ZBTB46: variants seen among roughly 807,000 people sequenced by gnomAD.
ZBTB46 encodes zinc finger and BTB domain-containing protein 46.
ZBTB46 carries 8 observed loss-of-function variants against 44.1 expected under a neutral mutation model. The observed-to-expected ratio is 0.18, with a 90% CI of 0.11 to 0.33. ZBTB46 has a LOEUF of 0.33. ZBTB46 is among the 10% of genes least tolerant of loss of function. The pLI, the probability that ZBTB46 is intolerant of heterozygous loss-of-function variation, is 1.00. For synonymous variants in ZBTB46, 409 were observed against 382.3 expected (o/e 1.07, Z -0.81); for missense variants, 651 against 847.7 (o/e 0.77, Z 2.88).
At chr20:63,769,632 G>A (rs2092350064) in intron 3 of ZBTB46, among the ~76,000 whole-genome samples, 1 of 152,134 alleles carries the variant, frequency 6.6e-6, no homozygotes, top group Non-Finnish European at 1.5e-5. Context: ...CCAACAGAGG[G>A]TTTTGGTGGA....
chr20:63,817,882 C>T (rs1444096794), intron 1 of ZBTB46, among the ~76,000 whole-genome samples: 1 of 152,128 alleles, frequency 6.6e-6, no homozygotes, highest in African/African-American at 2.4e-5. Context: ...GAGGACCCTC[C>T]CCTGGAGCCT....
intron 1 of ZBTB46, among the ~76,000 whole-genome samples, chr20:63,828,510 A>T (rs6010673): frequency 0.094 from 14,205 of 151,748 alleles, 1,013 homozygotes; most frequent in African/African-American, 0.2. Flanking sequence ...TTTTTTTTTT[A>T]AATCTGCTAG....
At chr20:63,779,632 A>G (rs1015450282) in intron 2 of ZBTB46, among the ~76,000 whole-genome samples, 9 of 151,788 alleles carry the variant, frequency 5.9e-5, no homozygotes, top group South Asian at 2.1e-4. Context: ...GTGTTAGCCA[A>G]GATGGTCTCG....
At chr20:63,777,634 G>A (rs922255486) in intron 2 of ZBTB46, among the ~76,000 whole-genome samples, 13 of 152,184 alleles carry the variant, frequency 8.5e-5, no homozygotes, top group African/African-American at 2.9e-4. Flanking sequence ...AGTTCCACAT[G>A]TACGCATGCA....
chr20:63,765,851 G>A (rs75664149), intron 3 of ZBTB46, among the ~76,000 whole-genome samples: 22 of 152,256 alleles, frequency 1.4e-4, no homozygotes, highest in East Asian at 9.6e-4. Context: ...TATCTGCCAC[G>A]AGCATATTTT....
intron 2 of ZBTB46, among the ~76,000 whole-genome samples, chr20:63,786,058 G>A (rs1049075803): frequency 2.6e-5 from 4 of 152,180 alleles, no homozygotes; most frequent in South Asian, 2.1e-4. Flanking sequence ...AGCGAGTTAC[G>A]TGCACGCACA....
intron 1 of ZBTB46, among the ~76,000 whole-genome samples, chr20:63,792,521 C>CTT (rs559922962): frequency 1.4e-5 from 2 of 145,900 alleles, no homozygotes; most frequent in East Asian, 2.0e-4. Context: ...ATATTTTCTT[C>CTT]TTTTTTTTTT....
At chr20:63,781,160 A>G (rs77399871) in intron 2 of ZBTB46, among the ~76,000 whole-genome samples, 9,657 of 141,140 alleles carry the variant, frequency 0.068, 443 homozygotes, top group East Asian at 0.27. Context: ...AAAAAAAAAA[A>G]AAAGAAAGAA....
In ZBTB46 at chr20:63,752,944, G is replaced by T; in HGVS notation, c.1223-83C>A. ...CCACAGACCACGGCTGCACGCCGCA[G>T]CCCAGCAGCCAGGACGGGCTGTCTC... On this transcript the variant is annotated intron_variant, in intron 3 of 4. Coordinates refer to ENST00000245663, the MANE Select transcript of ZBTB46 (RefSeq NM_001369741.1). This position sits in a 1 kb window ranked among gnomAD's most constrained non-coding sequence, Gnocchi z 5.6. 6.8e-7 allele frequency: 1 copy of T among 1,460,986 alleles called. No homozygotes were observed. Among genetic ancestry groups the T allele is most frequent in the Non-Finnish European group, 9.1e-7 (1 of 1,094,732 alleles). The allele number at this position is 1,460,986 out of a possible 1,614,324, so 90.5% of individuals were successfully genotyped here. A position where few individuals can be genotyped will look rare whatever the true frequency, so the allele number is the denominator to read the frequency against.
intron 1 of ZBTB46, among the ~76,000 whole-genome samples, chr20:63,801,631 A>G (rs2092646306): frequency 6.6e-6 from 1 of 152,196 alleles, no homozygotes; most frequent in East Asian, 1.9e-4. Context: ...ACTCACCGTG[A>G]AGGTCTGCAG....
chr20:63,831,895 G>A (rs2092854284), upstream of ZBTB46, among the ~76,000 whole-genome samples: 1 of 151,856 alleles, frequency 6.6e-6, no homozygotes, highest in Non-Finnish European at 1.5e-5. Context: ...CGCCCCCAAG[G>A]AAGGCCGCCC....
chr20:63,790,903 C>T lies in ZBTB46; in HGVS notation c.-33-113G>A, dbSNP rs575677185. On this transcript the variant is annotated intron_variant, in intron 1 of 4. Transcript: ENST00000245663. The stretch of plus-strand genomic sequence containing the variant: ...GCACAGAGTGCGGCCAGTGGGAGGA[C>T]GACCCACGCGAGAGCCCATCCACAG... 24 of 1,398,014 alleles carry T rather than the reference C, an allele frequency of 1.7e-5. No homozygotes were observed. The Admixed American group carries it at 3.1e-4, about 18-fold the overall frequency. 86.6% of individuals were successfully genotyped at this position (1,398,014 alleles called of 1,614,324 possible).
intron 2 of ZBTB46, among the ~76,000 whole-genome samples, chr20:63,783,390 T>C (rs1415532451): frequency 6.6e-6 from 1 of 151,950 alleles, no homozygotes; most frequent in Admixed American, 6.6e-5. Flanking sequence ...GATCGCGCCA[T>C]TGCACTCCAG....
At chr20:63,748,693 A>G (rs901604953) in intron 4 of ZBTB46, among the ~76,000 whole-genome samples, 46 of 152,150 alleles carry the variant, frequency 3.0e-4, no homozygotes, top group Non-Finnish European at 4.9e-4. Context: ...TGAACCCGGC[A>G]ATGACCCCAG....
At chr20:63,763,939 G>C (rs1204255893) in intron 3 of ZBTB46, among the ~76,000 whole-genome samples, 1 of 151,938 alleles carries the variant, frequency 6.6e-6, no homozygotes, top group Non-Finnish European at 1.5e-5. Context: ...TACTCACACA[G>C]TTGCCTTATC....
rs189199537 is a variant in ZBTB46, at chr20:63,795,604, T to G, written c.-33-4814A>C. 2.6e-5 allele frequency among the ~76,000 whole-genome samples: 4 copies of G among 152,208 alleles called. No individual in the cohort carries two copies. In the East Asian group the frequency reaches 7.7e-4, roughly 29 times the overall value. ...TCAAAACCAGCACAGCTGGGAGGGA[T>G]TCAGCGGCGAGCCTGTGCTTCTAGG... is the stretch of plus-strand genomic sequence containing the variant. On this transcript the variant is annotated intron_variant, in intron 1 of 4. Coordinates refer to ENST00000245663, the MANE Select transcript of ZBTB46 (RefSeq NM_001369741.1).
intron 1 of ZBTB46, among the ~76,000 whole-genome samples, chr20:63,819,012 A>G (rs1255795947): frequency 6.6e-6 from 1 of 152,060 alleles, no homozygotes; most frequent in East Asian, 1.9e-4. Flanking sequence ...TTTCTACTAC[A>G]GAATACAAAA....
intron 1 of ZBTB46, among the ~76,000 whole-genome samples, chr20:63,824,143 G>A (rs1327997727): frequency 1.3e-5 from 2 of 152,028 alleles, no homozygotes; most frequent in African/African-American, 4.8e-5. Flanking sequence ...CACCTTCGAG[G>A]TTGAGCAGCC....
At chr20:63,801,319 T>C (rs890607964) in intron 1 of ZBTB46, among the ~76,000 whole-genome samples, 3 of 152,332 alleles carry the variant, frequency 2.0e-5, no homozygotes, top group African/African-American at 7.2e-5. Context: ...TGTCTAGCTA[T>C]CTAGTGAAGA....
Sources: gnomAD v4.1 joint callset for allele counts (sites outside exome capture counted in the v4.1 genomes callset) on GRCh38, gnomAD v4.1.1 for gene constraint, Gnocchi (gnomAD v3.1) non-coding constraint, MANE v1.5 for transcripts, NCBI Gene and HGNC (gene_info 2026-07-23, HGNC 2026-07-21) for gene names.